The following EPB41L4A variants were observed in gnomAD, a reference collection of about 807,000 sequenced individuals.
EPB41L4A encodes the protein erythrocyte membrane protein band 4.1 like 4A.
EPB41L4A carries 100 observed loss-of-function variants against 108.6 expected under a neutral mutation model. That is an observed-to-expected ratio of 0.92 (90% CI 0.78 to 1.09). The LOEUF (loss-of-function observed/expected upper bound fraction) is 1.09. EPB41L4A is among the 50% of genes least tolerant of loss of function. The pLI is 0.00. For missense variants in EPB41L4A, 1,030 were observed against 842.7 expected, an observed-to-expected ratio of 1.22 and a Z score of -2.75; for synonymous variants, 319 against 289.0, an observed-to-expected ratio of 1.10 and a Z score of -1.05.
At chr5:112,192,237 G>A (rs1159139364) in intron 17 of EPB41L4A, 1 of 152,302 alleles carries the variant, frequency 6.6e-6, no homozygotes, top group African/African-American at 2.4e-5. Flanking sequence ...GGCACCAAGA[G>A]ACAGACAGCA....
intron 1 of EPB41L4A, among the ~76,000 whole-genome samples, chr5:112,388,276 G>A (rs1176441778): frequency 6.6e-6 from 1 of 152,192 alleles, no homozygotes; most frequent in Non-Finnish European, 1.5e-5. Context: ...GCTGATGCCA[G>A]CCAGAGTCAG....
rs201800549 is a variant in EPB41L4A, at chr5:112,254,397, CTCTG to C, written c.795+4828_795+4831del. 1.1e-3 allele frequency among the ~76,000 whole-genome samples: 174 copies of C among 151,712 alleles called. 2 individuals carry two copies. The East Asian group carries it at 0.021, about 19-fold the overall frequency. ...TGTCTCCCCTTGATCACATCTCCTACTCTGTCTGCCTCTGTGCTCACGTCTGTGG... is the reference window on the plus strand; with the variant it reads ...TGTCTCCCCTTGATCACATCTCCTACTCTGCCTCTGTGCTCACGTCTGTGG... On this transcript the variant is annotated intron_variant, in intron 9 of 22. Coordinates refer to ENST00000261486, the MANE Select transcript of EPB41L4A (RefSeq NM_022140.5).
chr5:112,144,900 A>T (rs1468330140), intron 13 of EPB41L4A, among the ~76,000 whole-genome samples: 2 of 152,212 alleles, frequency 1.3e-5, no homozygotes, highest in Admixed American at 1.3e-4. Flanking sequence ...TCCAGCCTGC[A>T]GGAGAAGAGG....
At chr5:112,292,019 C>T (rs1400883407) in intron 2 of EPB41L4A, among the ~76,000 whole-genome samples, 2 of 152,146 alleles carry the variant, frequency 1.3e-5, no homozygotes, top group African/African-American at 2.4e-5. Context: ...TCTCTACATA[C>T]CACCCAATGG....
At chr5:112,179,417 G>GA (rs1426947388) in intron 18 of EPB41L4A, among the ~76,000 whole-genome samples, 1 of 151,806 alleles carries the variant, frequency 6.6e-6, no homozygotes, top group Non-Finnish European at 1.5e-5. Flanking sequence ...CAAAAACAAA[G>GA]AAAAAAATCT....
At chr5:112,280,225 C>T (rs1223267389) in intron 3 of EPB41L4A, 47 bp downstream of exon 3, 1 of 1,539,512 alleles carries the variant, frequency 6.5e-7, no homozygotes, top group Non-Finnish European at 9.0e-7. Context: ...TGGACTTTGT[C>T]ATCGTTTTCA....
At chr5:112,347,144 C>T (rs2150719178) in intron 1 of EPB41L4A, among the ~76,000 whole-genome samples, 1 of 152,282 alleles carries the variant, frequency 6.6e-6, no homozygotes, top group South Asian at 2.1e-4. Flanking sequence ...CAGCTAACCA[C>T]AAAAGTGGGC....
intron 12 of EPB41L4A, among the ~76,000 whole-genome samples, chr5:112,148,717 C>A (rs189416224): frequency 3.9e-5 from 6 of 152,090 alleles, no homozygotes; most frequent in African/African-American, 1.4e-4. Context: ...GCCTTTCTAT[C>A]GTGATTTTTT....
At chr5:112,200,665 T>C (rs1043645388) in intron 15 of EPB41L4A, among the ~76,000 whole-genome samples, 15 of 152,216 alleles carry the variant, frequency 9.9e-5, no homozygotes, top group African/African-American at 3.1e-4. Context: ...CCAGGAAATA[T>C]GCTGACTTTC....
intron 12 of EPB41L4A, among the ~76,000 whole-genome samples, chr5:112,229,039 T>C (rs929325851): frequency 6.6e-6 from 1 of 152,232 alleles, no homozygotes; most frequent in Non-Finnish European, 1.5e-5. Flanking sequence ...ACAACTGGGA[T>C]GCAAGTTAAG....
intron 1 of EPB41L4A, among the ~76,000 whole-genome samples, chr5:112,352,044 C>T (rs1425612926): frequency 2.6e-5 from 4 of 152,168 alleles, no homozygotes; most frequent in Non-Finnish European, 5.9e-5. Context: ...TAACATCATA[C>T]TGAATGGGGA....
rs561401188 is a variant in EPB41L4A at position 112,353,949 on chromosome 5, G to A, written c.100-46459C>T. ...CTCAGGAGCCCCCAGTGATGTACAC[G>A]GCAGCAGGCTGTGGGCATCAGCATT... On this transcript the variant is annotated intron_variant, in intron 1 of 22. Coordinates refer to ENST00000261486, the MANE Select transcript of EPB41L4A (RefSeq NM_022140.5). Among the ~76,000 whole-genome samples, 9 of 152,294 alleles carry A rather than the reference G, an allele frequency of 5.9e-5. No individual in the cohort carries two copies. The East Asian group carries it at 1.2e-3, about 20-fold the overall frequency.
At chr5:112,216,453 A>C (rs1277641294) in intron 12 of EPB41L4A, among the ~76,000 whole-genome samples, 2 of 152,228 alleles carry the variant, frequency 1.3e-5, no homozygotes, top group Non-Finnish European at 2.9e-5. Context: ...GAAAGCGAGA[A>C]TACCTTATTC....
intron 9 of EPB41L4A, among the ~76,000 whole-genome samples, chr5:112,247,216 T>C (rs538726062): frequency 5.2e-3 from 44 of 8,414 alleles, no homozygotes; most frequent in Non-Finnish European, 0.016. Flanking sequence ...CTCCCACCAC[T>C]GTCCAATTAC....
At chr5:112,207,828 T>A (rs1762543572) in intron 13 of EPB41L4A, among the ~76,000 whole-genome samples, 1 of 152,172 alleles carries the variant, frequency 6.6e-6, no homozygotes, top group Non-Finnish European at 1.5e-5. Context: ...GGGGGAAATA[T>A]AAATTAGCTC....
chr5:112,217,051 T>C (rs998605872), intron 12 of EPB41L4A, among the ~76,000 whole-genome samples: 1 of 152,030 alleles, frequency 6.6e-6, no homozygotes. Flanking sequence ...TTCAAGCGAT[T>C]CTACCATCTC....
intron 18 of EPB41L4A, chr5:112,183,296 G>A (rs1428847308): frequency 3.3e-5 from 5 of 152,318 alleles, no homozygotes; most frequent in Admixed American, 3.3e-4. Context: ...CTCCTCCTGT[G>A]AGTAATCAAC....
intron 1 of EPB41L4A, among the ~76,000 whole-genome samples, chr5:112,366,956 C>A (rs1249334496): frequency 6.6e-6 from 1 of 152,180 alleles, no homozygotes. Context: ...GGAACAGAGC[C>A]ATCTCCGCCA....
chr5:112,294,410 G>T (rs1299031990), intron 2 of EPB41L4A, among the ~76,000 whole-genome samples: 1 of 152,212 alleles, frequency 6.6e-6, no homozygotes, highest in Non-Finnish European at 1.5e-5. Flanking sequence ...AGTGACAGAG[G>T]TGGTAAGAAA....
Sources: gnomAD v4.1 joint callset for allele counts (sites outside exome capture counted in the v4.1 genomes callset) on GRCh38, gnomAD v4.1.1 for gene constraint, MANE v1.5 for transcripts, NCBI Gene and HGNC (gene_info 2026-07-23, HGNC 2026-07-21) for gene names.